SHANK2: variants seen among roughly 807,000 people sequenced by gnomAD.
SHANK2 encodes the protein SH3 and multiple ankyrin repeat domains 2.
Under a neutral mutation model 133.7 loss-of-function variants are expected in SHANK2, and 43 were observed. The ratio of observed to expected loss-of-function variants is 0.32; its 90% confidence interval spans 0.25 to 0.41. The LOEUF (loss-of-function observed/expected upper bound fraction) is 0.41, where lower values mean the gene tolerates loss of function less well. Among genes scored for constraint, SHANK2 ranks in the 10% least tolerant of loss-of-function variants. The pLI is 1.00. For synonymous variants in SHANK2, 1,017 were observed against 952.8 expected (o/e 1.07, Z -1.24); for missense variants, 1,994 against 2,235.8 (o/e 0.89, Z 2.18).
intron 17 of SHANK2, among the ~76,000 whole-genome samples, chr11:70,575,822 G>A (rs890369086): frequency 1.8e-4 from 28 of 152,090 alleles, no homozygotes; most frequent in African/African-American, 5.3e-4. Flanking sequence ...CTTGGGGGGC[G>A]TGGGCTGGAT....
intron 10 of SHANK2, among the ~76,000 whole-genome samples, chr11:70,932,382 C>G (rs534284942): frequency 1.3e-5 from 2 of 152,226 alleles, no homozygotes; most frequent in Non-Finnish European, 2.9e-5. Context: ...CTTCAGACCC[C>G]CTCCGCAGCA....
chr11:71,191,552 GTTTT>G (rs1277904915), intron 2 of SHANK2, among the ~76,000 whole-genome samples: 1 of 151,942 alleles, frequency 6.6e-6, no homozygotes, highest in Non-Finnish European at 1.5e-5. Context: ...CTCCTCCTCT[GTTTT>G]TTGTTTTGTT....
intron 14 of SHANK2, among the ~76,000 whole-genome samples, chr11:70,784,156 C>T (rs1740210644): frequency 1.3e-5 from 2 of 151,282 alleles, no homozygotes; most frequent in African/African-American, 4.9e-5. Flanking sequence ...AAAGAGGCCT[C>T]GGGAGAATAC....
At chr11:70,902,658 G>C (rs1317855192) in intron 10 of SHANK2, among the ~76,000 whole-genome samples, 1 of 151,024 alleles carries the variant, frequency 6.6e-6, no homozygotes, top group Non-Finnish European at 1.5e-5. Context: ...GGCACCACAG[G>C]ATTTTTTTTG....
At chr11:70,608,214 C>T (rs2060606196) in intron 17 of SHANK2, among the ~76,000 whole-genome samples, 1 of 152,206 alleles carries the variant, frequency 6.6e-6, no homozygotes, top group Non-Finnish European at 1.5e-5. Context: ...CTCAAGCGAT[C>T]TCCCTGCCTT....
chr11:71,083,598 G>A (rs1951330334), intron 8 of SHANK2, among the ~76,000 whole-genome samples: 3 of 152,230 alleles, frequency 2.0e-5, no homozygotes, highest in African/African-American at 4.8e-5. Context: ...CCCTCATCCC[G>A]AAGATACTGA....
intron 2 of SHANK2, among the ~76,000 whole-genome samples, chr11:71,151,942 G>T (rs1393926176): frequency 1.3e-5 from 2 of 152,218 alleles, no homozygotes; most frequent in African/African-American, 4.8e-5. Flanking sequence ...GGGCACGAAG[G>T]GGGCGATGCT....
intron 5 of SHANK2, among the ~76,000 whole-genome samples, chr11:71,112,457 C>A (rs78473114): frequency 0.029 from 4,464 of 152,232 alleles, 202 homozygotes; most frequent in African/African-American, 0.098. Context: ...AAACAAAAAC[C>A]GAGAGGATCC....
At chr11:70,647,023 A>G (rs2061273253) in intron 17 of SHANK2, among the ~76,000 whole-genome samples, 2 of 151,822 alleles carry the variant, frequency 1.3e-5, no homozygotes, top group African/African-American at 4.8e-5. Context: ...CACCATGCCC[A>G]GCAAATTTTT....
intron 11 of SHANK2, among the ~76,000 whole-genome samples, chr11:70,877,332 G>A (rs1312323276): frequency 6.6e-6 from 1 of 152,232 alleles, no homozygotes; most frequent in Non-Finnish European, 1.5e-5. Flanking sequence ...CCTCACATAA[G>A]CCAAGAGGCT....
chr11:70,617,140 T>C (rs1398842823), intron 17 of SHANK2, among the ~76,000 whole-genome samples: 2 of 151,698 alleles, frequency 1.3e-5, no homozygotes, highest in African/African-American at 4.8e-5. Flanking sequence ...CTAATGTATG[T>C]GTGTCACTGA....
intron 15 of SHANK2, among the ~76,000 whole-genome samples, chr11:70,672,149 C>T (rs1944824885): frequency 6.6e-6 from 1 of 150,802 alleles, no homozygotes; most frequent in Non-Finnish European, 1.5e-5. Flanking sequence ...CTGCAACCTC[C>T]ATCTCCCGGG....
intron 9 of SHANK2, among the ~76,000 whole-genome samples, chr11:71,071,585 T>A (rs1395744330): frequency 1.3e-5 from 2 of 152,182 alleles, no homozygotes; most frequent in African/African-American, 4.8e-5. Flanking sequence ...AATGTACAAC[T>A]ATGTGAGGGA....
At chr11:70,741,622 C>T (rs1161887173) in intron 14 of SHANK2, among the ~76,000 whole-genome samples, 1 of 152,182 alleles carries the variant, frequency 6.6e-6, no homozygotes, top group Non-Finnish European at 1.5e-5. Flanking sequence ...TCCCCAGGCC[C>T]CTGACATGTC....
At chr11:70,673,297 A>AG (rs1338393817) in intron 15 of SHANK2, among the ~76,000 whole-genome samples, 1 of 152,172 alleles carries the variant, frequency 6.6e-6, no homozygotes, top group Non-Finnish European at 1.5e-5. Context: ...TTCTTTAAAA[A>AG]AAAAAAAAAA....
At chr11:70,489,237 G>A in intron 24 of SHANK2, 91 bp downstream of exon 24, 1 of 1,302,644 alleles carries the variant, frequency 7.7e-7, no homozygotes, top group Non-Finnish European at 1.1e-6. Flanking sequence ...TGGCAATTCT[G>A]TTCCCAAGGA....
At chr11:70,489,928 C>T in intron 23 of SHANK2, 2 of 356,954 alleles carry the variant, frequency 5.6e-6, no homozygotes, top group South Asian at 2.6e-5. Context: ...ACCCTTCCCA[C>T]CCTGAGCAGG....
chr11:71,156,270 G>A (rs1952905119), intron 2 of SHANK2, among the ~76,000 whole-genome samples: 1 of 152,238 alleles, frequency 6.6e-6, no homozygotes, highest in Admixed American at 6.5e-5. Context: ...TGAAACAGAT[G>A]CATGGAACAA....
chr11:70,849,097 A>C (rs1949044025), intron 11 of SHANK2, among the ~76,000 whole-genome samples: 1 of 152,094 alleles, frequency 6.6e-6, no homozygotes, highest in Admixed American at 6.5e-5. Context: ...GAATGTTCAG[A>C]CATAGGGGCA....
Sources: gnomAD v4.1 joint callset for allele counts (sites outside exome capture counted in the v4.1 genomes callset) on GRCh38, gnomAD v4.1.1 for gene constraint, MANE v1.5 for transcripts, NCBI Gene and HGNC (gene_info 2026-07-23, HGNC 2026-07-21) for gene names.